Variants in FOXP1 observed in about 807,000 individuals in gnomAD.
The protein encoded by FOXP1 is forkhead box P1.
In FOXP1, 15 loss-of-function variants were observed where a neutral mutation model predicts 98.2. That is an observed-to-expected ratio of 0.15 (90% CI 0.10 to 0.24). FOXP1 has a LOEUF of 0.24. Ranked by LOEUF, FOXP1 falls within the 10% of genes least tolerant of loss-of-function variation. The pLI, the probability that FOXP1 is intolerant of heterozygous loss-of-function variation, is 1.00. For synonymous variants in FOXP1, 371 were observed against 314.5 expected (o/e 1.18, Z -1.90); for missense variants, 633 against 848.5 (o/e 0.75, Z 3.15).
At chr3:71,154,897 A>C (rs1560032908) in intron 6 of FOXP1, among the ~76,000 whole-genome samples, 1 of 152,204 alleles carries the variant, frequency 6.6e-6, no homozygotes. Flanking sequence ...AACATTTGCA[A>C]TAAGATTTCA....
chr3:71,016,519 A>G (rs536065519), intron 11 of FOXP1, among the ~76,000 whole-genome samples: 2 of 152,266 alleles, frequency 1.3e-5, no homozygotes, highest in African/African-American at 4.8e-5. Flanking sequence ...ATTCCATCAG[A>G]TAGAAATGTA....
intron 6 of FOXP1, among the ~76,000 whole-genome samples, chr3:71,156,578 G>C (rs2060834435): frequency 6.6e-6 from 1 of 152,192 alleles, no homozygotes; most frequent in Admixed American, 6.5e-5. Context: ...AGGCACAGAG[G>C]TGTCAGAAGC....
At chr3:71,263,108 C>T (rs377148530) in intron 5 of FOXP1, among the ~76,000 whole-genome samples, 1 of 152,090 alleles carries the variant, frequency 6.6e-6, no homozygotes, top group Non-Finnish European at 1.5e-5. Context: ...GTTTTTCCAA[C>T]CCCTGCCCTT....
intron 17 of FOXP1, among the ~76,000 whole-genome samples, chr3:70,974,262 T>C (rs2037012785): frequency 6.6e-6 from 1 of 152,202 alleles, no homozygotes; most frequent in Non-Finnish European, 1.5e-5. Flanking sequence ...GACAATTTTC[T>C]ATGCATATAA....
intron 14 of FOXP1, among the ~76,000 whole-genome samples, chr3:70,978,968 T>C (rs760915975): frequency 6.6e-6 from 1 of 151,912 alleles, no homozygotes; most frequent in African/African-American, 2.4e-5. Context: ...TTATTTGAAG[T>C]AGAAGAGAAT....
intron 3 of FOXP1, among the ~76,000 whole-genome samples, chr3:71,424,226 C>T (rs190190166): frequency 1.6e-4 from 25 of 152,280 alleles, no homozygotes; most frequent in Middle Eastern, 6.8e-3. Context: ...ATGATTTTGG[C>T]GACCAGGCAA....
At chr3:71,258,250 A>G (rs1176265512) in intron 5 of FOXP1, among the ~76,000 whole-genome samples, 1 of 152,210 alleles carries the variant, frequency 6.6e-6, no homozygotes, top group Admixed American at 6.5e-5. Flanking sequence ...GCTGGGTTCA[A>G]TTGAAAAGGC....
At chr3:71,328,794 G>C (rs968132181) in intron 4 of FOXP1, among the ~76,000 whole-genome samples, 3 of 151,792 alleles carry the variant, frequency 2.0e-5, no homozygotes, top group Non-Finnish European at 4.4e-5. Context: ...CCAACATGGA[G>C]AAACCCCGTT....
At chr3:71,203,980 GGAAGGA>G (rs2063840003) in intron 5 of FOXP1, among the ~76,000 whole-genome samples, 2 of 146,970 alleles carry the variant, frequency 1.4e-5, no homozygotes, top group Non-Finnish European at 3.0e-5. Context: ...AAGGAAGGAA[GGAAGGA>G]AGGAAAAGAA....
At chr3:71,349,256 ATAACT>A (rs2077608847) in intron 4 of FOXP1, among the ~76,000 whole-genome samples, 1 of 152,258 alleles carries the variant, frequency 6.6e-6, no homozygotes, top group South Asian at 2.1e-4. Flanking sequence ...CAATAAAAAA[ATAACT>A]TAGCAGGAGG....
chr3:71,327,397 T>C (rs886463958), intron 4 of FOXP1, among the ~76,000 whole-genome samples: 1 of 6,448 alleles, frequency 1.6e-4, no homozygotes, highest in Non-Finnish European at 1.5e-3. Context: ...TTTTTTTTTT[T>C]TTTTTTTTTA....
intron 5 of FOXP1, among the ~76,000 whole-genome samples, chr3:71,236,864 T>G (rs866419903): frequency 6.4e-5 from 9 of 140,622 alleles, no homozygotes; most frequent in South Asian, 4.5e-4. Flanking sequence ...CACAGCGAGA[T>G]CCTGTCTTAA....
At chr3:71,275,360 A>G (rs2070778152) in intron 5 of FOXP1, among the ~76,000 whole-genome samples, 1 of 152,198 alleles carries the variant, frequency 6.6e-6, no homozygotes, top group African/African-American at 2.4e-5. Flanking sequence ...GTTACAAGTT[A>G]TAACCATGAA....
At chr3:71,215,971 G>T (rs2064883675) in intron 5 of FOXP1, among the ~76,000 whole-genome samples, 3 of 152,214 alleles carry the variant, frequency 2.0e-5, no homozygotes, top group Admixed American at 2.0e-4. Flanking sequence ...TTGAAGTCAA[G>T]AAGGTACATG....
At chr3:71,165,654 G>C (rs1301201044) in intron 6 of FOXP1, among the ~76,000 whole-genome samples, 1 of 152,160 alleles carries the variant, frequency 6.6e-6, no homozygotes, top group African/African-American at 2.4e-5. Flanking sequence ...GTGGTCCATG[G>C]AGGCAAACTA....
intron 3 of FOXP1, among the ~76,000 whole-genome samples, chr3:71,416,294 G>C (rs780753312): frequency 1.3e-5 from 2 of 152,084 alleles, no homozygotes; most frequent in Non-Finnish European, 2.9e-5. Flanking sequence ...CCAACACTTT[G>C]GGAGGACGAG....
chr3:71,289,288 C>A (rs1414701271), intron 5 of FOXP1, among the ~76,000 whole-genome samples: 1 of 152,120 alleles, frequency 6.6e-6, no homozygotes, highest in South Asian at 2.1e-4. Context: ...ATCCGCCTGC[C>A]TTGGCCTCCC....
intron 6 of FOXP1, among the ~76,000 whole-genome samples, chr3:71,126,043 G>A (rs1326216956): frequency 6.6e-6 from 1 of 152,176 alleles, no homozygotes; most frequent in Non-Finnish European, 1.5e-5. Flanking sequence ...AAGTGATTTT[G>A]AAAAGTGCTG....
At chr3:71,158,142 AG>A (rs2108116767) in intron 6 of FOXP1, among the ~76,000 whole-genome samples, 2 of 25,762 alleles carry the variant, frequency 7.8e-5, no homozygotes, top group Non-Finnish European at 1.9e-4. Flanking sequence ...GGAGGGAGGC[AG>A]GGAAGGAGGG....
Sources: allele counts gnomAD v4.1 joint callset (sites outside exome capture counted in the v4.1 genomes callset), GRCh38; gene constraint gnomAD v4.1.1; transcripts MANE v1.5; gene names NCBI Gene and HGNC (gene_info 2026-07-23, HGNC 2026-07-21).